Variants in WDFY4 observed in about 807,000 individuals in gnomAD.
WDFY4 encodes WD repeat- and FYVE domain-containing protein 4.
Under a neutral mutation model 351.9 loss-of-function variants are expected in WDFY4, and 169 were observed. The observed-to-expected ratio is 0.48, with a 90% CI of 0.42 to 0.55. The LOEUF (loss-of-function observed/expected upper bound fraction) is 0.55, where lower values mean the gene tolerates loss of function less well. Ranked by LOEUF, WDFY4 falls within the 20% of genes least tolerant of loss-of-function variation. The probability of loss-of-function intolerance (pLI) is 0.00; values close to 1 mark genes in which losing one functional copy is unlikely to be tolerated. For missense variants in WDFY4, 3,803 were observed against 3,935.6 expected, an observed-to-expected ratio of 0.97 and a Z score of 0.90; for synonymous variants, 1,622 against 1,574.6, an observed-to-expected ratio of 1.03 and a Z score of -0.71.
At chr10:48,902,312 G>A (rs865796068) in intron 47 of WDFY4, among the ~76,000 whole-genome samples, 24 of 152,312 alleles carry the variant, frequency 1.6e-4, no homozygotes, top group South Asian at 4.1e-4. Context: ...GCTATGGGGC[G>A]TCTCTCCCAG....
intron 2 of WDFY4, among the ~76,000 whole-genome samples, chr10:48,718,143 G>C (rs116257480): frequency 1.3e-5 from 2 of 152,006 alleles, no homozygotes; most frequent in Non-Finnish European, 2.9e-5. Context: ...TTAATAATTT[G>C]TTATTTATTT....
chr10:48,845,245 A>G lies in WDFY4; in HGVS notation c.6663+12536A>G, dbSNP rs182207533. Among the ~76,000 whole-genome samples, 25 of 152,192 alleles carry G rather than the reference A, an allele frequency of 1.6e-4. No homozygotes were observed. The South Asian group carries it at 2.1e-3, about 13-fold the overall frequency. ...CTATAACTCTATATCTGTGGCCTCT[A>G]TATCTGTATTTTCATCTGGCTCTAG... On this transcript the variant is annotated intron_variant, in intron 39 of 61. Coordinates refer to ENST00000325239, the MANE Select transcript of WDFY4 (RefSeq NM_001394531.1).
intron 43 of WDFY4, among the ~76,000 whole-genome samples, chr10:48,887,767 A>T (rs2070526025): frequency 8.2e-6 from 1 of 121,420 alleles, no homozygotes; most frequent in Non-Finnish European, 1.8e-5. Flanking sequence ...CAACAGAGCG[A>T]GACTCCATCT....
At chr10:48,818,917 C>T (rs1016503756) in intron 32 of WDFY4, among the ~76,000 whole-genome samples, 8 of 152,194 alleles carry the variant, frequency 5.3e-5, no homozygotes, top group African/African-American at 1.4e-4. Context: ...AGATCAAGGG[C>T]GAGCCTACAG....
chr10:48,740,003 T>C (rs1181798647), intron 11 of WDFY4, among the ~76,000 whole-genome samples: 1 of 152,212 alleles, frequency 6.6e-6, no homozygotes, highest in African/African-American at 2.4e-5. Context: ...CGATTGTCTG[T>C]AATCTGATCA....
intron 2 of WDFY4, among the ~76,000 whole-genome samples, chr10:48,716,377 A>G (rs2063910676): frequency 6.6e-6 from 1 of 152,118 alleles, no homozygotes; most frequent in Non-Finnish European, 1.5e-5. Flanking sequence ...TCTTTCTTCC[A>G]TGTGAAGGGA....
At chr10:48,827,715 A>G (rs1565245212) in intron 36 of WDFY4, among the ~76,000 whole-genome samples, 3 of 151,294 alleles carry the variant, frequency 2.0e-5, no homozygotes, top group Non-Finnish European at 4.4e-5. Context: ...GATCACTTGA[A>G]AAAAAAACAA....
chr10:48,895,494 T>A (rs1216447502), intron 44 of WDFY4, among the ~76,000 whole-genome samples: 1 of 152,218 alleles, frequency 6.6e-6, no homozygotes, highest in Non-Finnish European at 1.5e-5. Context: ...GCTGGCGTGC[T>A]TGGGAGGCCT....
chr10:48,975,210 T>C, intron 58 of WDFY4, 169 bp downstream of exon 58: 1 of 848,988 alleles, frequency 1.2e-6, no homozygotes, highest in Non-Finnish European at 1.9e-6. Flanking sequence ...CACCCAGGTC[T>C]AGCTTCAATG....
chr10:48,820,293 C>T lies in WDFY4; in HGVS notation c.5565C>T (p.Asp1855=), dbSNP rs1369277923. The T allele has an allele frequency of 3.9e-6, 6 of 1,551,690 alleles. No homozygotes were observed. Among genetic ancestry groups the T allele is most frequent in the Non-Finnish European group, 5.2e-6 (6 of 1,147,000 alleles). Residue 1855 remains aspartate, a synonymous_variant, in exon 33 of 62, where the codon GAC becomes GAT. Coordinates refer to ENST00000325239, the MANE Select transcript of WDFY4 (RefSeq NM_001394531.1). ...TSSPEAAAEG[D]STVEGLQAPT... ...GTCCTGAGGCCGCAGCTGAAGGCGA[C>T]AGCACAGTGGAGGGTCTCCAGGCTC...
chr10:48,914,880 G>T (rs1007848532), intron 47 of WDFY4, among the ~76,000 whole-genome samples: 8 of 152,320 alleles, frequency 5.3e-5, no homozygotes, highest in East Asian at 1.9e-4. Flanking sequence ...GGGATGGGGG[G>T]TGCGGGCAAA....
At chr10:48,913,507 C>A (rs774471606) in intron 47 of WDFY4, 4 of 1,613,862 alleles carry the variant, frequency 2.5e-6, no homozygotes, top group Non-Finnish European at 2.5e-6. Flanking sequence ...TTGTCCCGGG[C>A]GTTTTGGCAT....
intron 24 of WDFY4, 115 bp downstream of exon 24, chr10:48,796,565 G>A (rs2066882295): frequency 7.1e-7 from 1 of 1,400,786 alleles, no homozygotes; most frequent in Non-Finnish European, 9.4e-7. Context: ...ATGATGGTAG[G>A]GAGAGGGAAA....
intron 2 of WDFY4, among the ~76,000 whole-genome samples, chr10:48,714,908 C>T (rs142593042): frequency 6.6e-4 from 101 of 152,316 alleles, no homozygotes; most frequent in African/African-American, 2.3e-3. Context: ...GATCTTTATC[C>T]CTTCCCCTTG....
At chr10:48,909,924 C>A (rs1837848485) in intron 47 of WDFY4, 9 of 342,788 alleles carry the variant, frequency 2.6e-5, no homozygotes, top group Non-Finnish European at 4.8e-5. Context: ...AGGCAGTAAG[C>A]CTTTTAAGTC....
chr10:48,697,172 G>A (rs1190957374), intron 1 of WDFY4, among the ~76,000 whole-genome samples: 1 of 152,216 alleles, frequency 6.6e-6, no homozygotes, highest in African/African-American at 2.4e-5. Context: ...GGAACACTCA[G>A]GTCTCACCCA....
chr10:48,948,501 C>T (rs1409874827), intron 51 of WDFY4, among the ~76,000 whole-genome samples: 1 of 152,188 alleles, frequency 6.6e-6, no homozygotes, highest in Admixed American at 6.5e-5. Context: ...CAGGAGGCTG[C>T]ATTATAACCC....
intron 51 of WDFY4, among the ~76,000 whole-genome samples, chr10:48,955,930 A>C (rs11101572): frequency 0.39 from 59,840 of 152,002 alleles, 13,523 homozygotes; most frequent in Non-Finnish European, 0.51. Flanking sequence ...AGTTTTTGTT[A>C]TACAAAGGCC....
chr10:48,845,315 C>T (rs562664850), intron 39 of WDFY4, among the ~76,000 whole-genome samples: 22 of 152,332 alleles, frequency 1.4e-4, no homozygotes, highest in African/African-American at 4.6e-4. Context: ...ACTGAGAGGG[C>T]TTCCTTCAAC....
Sources: gnomAD v4.1 joint callset for allele counts (sites outside exome capture counted in the v4.1 genomes callset) on GRCh38, gnomAD v4.1.1 for gene constraint, MANE v1.5 for transcripts, NCBI Gene and HGNC (gene_info 2026-07-23, HGNC 2026-07-21) for gene names.